Variants in ABLIM1 observed in about 807,000 individuals in gnomAD.
ABLIM1 encodes the protein actin binding LIM protein 1, also known as actin-binding LIM protein 1.
Under a neutral mutation model 107.0 loss-of-function variants are expected in ABLIM1, and 40 were observed. The ratio of observed to expected loss-of-function variants is 0.37; its 90% CI spans 0.29 to 0.49. ABLIM1 has a LOEUF of 0.49. Among genes scored for constraint, ABLIM1 ranks in the 20% least tolerant of loss-of-function variants. ABLIM1 has a pLI of 0.97. For synonymous variants in ABLIM1, 357 were observed against 357.3 expected, an observed-to-expected ratio of 1.00 and a Z score of 0.01; for missense variants, 857 against 1,008.5, an observed-to-expected ratio of 0.85 and a Z score of 2.04.
intron 8 of ABLIM1, among the ~76,000 whole-genome samples, chr10:114,483,138 T>G (rs985999423): frequency 3.3e-5 from 5 of 152,116 alleles, no homozygotes; most frequent in African/African-American, 1.2e-4. Context: ...GTATGAAAAA[T>G]ACATCATATC....
At chr10:114,440,192 T>G in intron 19 of ABLIM1, 103 bp from the exon 20 acceptor site, 1 of 1,228,068 alleles carries the variant, frequency 8.1e-7, no homozygotes. Context: ...ATATTCGCCC[T>G]ATAAACCATG....
At chr10:114,620,004 C>T (rs1478502328) in intron 1 of ABLIM1, among the ~76,000 whole-genome samples, 1 of 152,178 alleles carries the variant, frequency 6.6e-6, no homozygotes, top group African/African-American at 2.4e-5. Flanking sequence ...CCCAAACATA[C>T]CTATTATCAC....
chr10:114,761,308 G>A (rs554533198), intron 1 of ABLIM1, among the ~76,000 whole-genome samples: 6 of 147,510 alleles, frequency 4.1e-5, no homozygotes, highest in East Asian at 3.9e-4. Context: ...TTGTCCCTCC[G>A]CCCACATTCT....
intron 14 of ABLIM1, among the ~76,000 whole-genome samples, chr10:114,451,175 C>A (rs939743291): frequency 6.6e-6 from 1 of 152,082 alleles, no homozygotes; most frequent in African/African-American, 2.4e-5. Flanking sequence ...ATCTTCATGC[C>A]CAATAAGAAA....
chr10:114,798,413 G>A, the ABLIM1 span, among the ~76,000 whole-genome samples: 1 of 150,484 alleles, frequency 6.6e-6, no homozygotes, highest in Non-Finnish European at 1.5e-5. Context: ...GACAAAGCAA[G>A]ACTCTGTTTT....
chr10:114,603,186 C>G (rs1048511921), intron 1 of ABLIM1, among the ~76,000 whole-genome samples: 1 of 152,200 alleles, frequency 6.6e-6, no homozygotes, highest in African/African-American at 2.4e-5. Flanking sequence ...GCAGATATTG[C>G]TGAAACTCAG....
chr10:114,517,846 T>C (rs1358009594), intron 6 of ABLIM1, among the ~76,000 whole-genome samples: 2 of 152,072 alleles, frequency 1.3e-5, no homozygotes, highest in Non-Finnish European at 2.9e-5. Flanking sequence ...AAACCCCCTT[T>C]GGAAACATAG....
intron 4 of ABLIM1, among the ~76,000 whole-genome samples, chr10:114,558,126 G>T (rs539841975): frequency 6.6e-6 from 1 of 152,180 alleles, no homozygotes; most frequent in East Asian, 1.9e-4. Context: ...AGCGAGCAGC[G>T]GGACCCAGAC....
intron 4 of ABLIM1, among the ~76,000 whole-genome samples, chr10:114,563,900 T>G (rs1442374950): frequency 7.1e-6 from 1 of 141,576 alleles, no homozygotes; most frequent in African/African-American, 2.7e-5. Flanking sequence ...TGGAACACAG[T>G]AGGTGCTCAA....
intron 2 of ABLIM1, among the ~76,000 whole-genome samples, chr10:114,598,768 C>G (rs1293929688): frequency 6.6e-6 from 1 of 152,054 alleles, no homozygotes; most frequent in Non-Finnish European, 1.5e-5. Flanking sequence ...TGAAAATTAA[C>G]TACACCTTTC....
intron 1 of ABLIM1, among the ~76,000 whole-genome samples, chr10:114,709,718 T>G (rs563340157): frequency 1.5e-3 from 235 of 152,296 alleles, no homozygotes; most frequent in African/African-American, 5.1e-3. Context: ...CTGTCAAAAA[T>G]GTAGCAGGGA....
chr10:114,762,868 T>C (rs2082780992), intron 1 of ABLIM1, among the ~76,000 whole-genome samples: 1 of 152,210 alleles, frequency 6.6e-6, no homozygotes, highest in African/African-American at 2.4e-5. Flanking sequence ...CCAATAACTG[T>C]GTAATAGTCC....
intron 1 of ABLIM1, among the ~76,000 whole-genome samples, chr10:114,644,109 G>A (rs1342681599): frequency 6.0e-5 from 9 of 149,594 alleles, no homozygotes; most frequent in Middle Eastern, 3.4e-3. Flanking sequence ...GTGAAACCCC[G>A]TCTCTACTAA....
At chr10:114,799,781 T>G in the ABLIM1 span, among the ~76,000 whole-genome samples, 2 of 151,678 alleles carry the variant, frequency 1.3e-5, no homozygotes, top group Non-Finnish European at 2.9e-5. Flanking sequence ...CTGGAATGAT[T>G]TTTTTTTTGA....
intron 6 of ABLIM1, among the ~76,000 whole-genome samples, chr10:114,495,598 C>A (rs1382640603): frequency 6.6e-6 from 1 of 151,814 alleles, no homozygotes; most frequent in Non-Finnish European, 1.5e-5. Flanking sequence ...ATTGTGGTGA[C>A]GATGATGTGG....
intron 6 of ABLIM1, among the ~76,000 whole-genome samples, chr10:114,524,100 A>T (rs1225022739): frequency 6.6e-6 from 1 of 152,220 alleles, no homozygotes; most frequent in Non-Finnish European, 1.5e-5. Context: ...CAATAAGTCA[A>T]GGTGTTTCCC....
At chr10:114,746,393 T>C (rs2082385832) in intron 1 of ABLIM1, among the ~76,000 whole-genome samples, 1 of 152,210 alleles carries the variant, frequency 6.6e-6, no homozygotes, top group Non-Finnish European at 1.5e-5. Flanking sequence ...TCCAATTCCA[T>C]CCATATTGTT....
chr10:114,469,956 C>T (rs1425468434), intron 10 of ABLIM1, among the ~76,000 whole-genome samples: 1 of 152,198 alleles, frequency 6.6e-6, no homozygotes, highest in African/African-American at 2.4e-5. Context: ...TCTAAGCCTT[C>T]ACAAGCTCCA....
At chr10:114,741,350 C>T (rs1241870526) in intron 1 of ABLIM1, among the ~76,000 whole-genome samples, 7 of 151,046 alleles carry the variant, frequency 4.6e-5, no homozygotes, top group South Asian at 2.1e-4. Flanking sequence ...CTCAGCCTCC[C>T]GAGGAGCTGG....
Sources: allele counts gnomAD v4.1 joint callset (sites outside exome capture counted in the v4.1 genomes callset), GRCh38; gene constraint gnomAD v4.1.1; transcripts MANE v1.5; gene names NCBI Gene and HGNC (gene_info 2026-07-23, HGNC 2026-07-21).